Variants in PPP1R26 observed in about 807,000 individuals in gnomAD.
PPP1R26 encodes 1A6/DRIM (down-regulated in metastasis) interacting protein.
A neutral mutation model predicts 67.6 loss-of-function variants in PPP1R26; 22 were observed. The ratio of observed to expected loss-of-function variants is 0.33; its 90% CI spans 0.23 to 0.46. The LOEUF (loss-of-function observed/expected upper bound fraction) is 0.46, where lower values mean the gene tolerates loss of function less well. PPP1R26 is among the 20% of genes least tolerant of loss of function. The probability of loss-of-function intolerance (pLI) is 1.00; values close to 1 mark genes in which losing one functional copy is unlikely to be tolerated. For missense variants in PPP1R26, 1,602 were observed against 1,651.4 expected (o/e 0.97, Z 0.52); for synonymous variants, 729 against 717.2 (o/e 1.02, Z -0.26).
Position 135,482,956 on chromosome 9 carries a change from A to G in PPP1R26, c.-196+141A>G. 7.9e-6 allele frequency: 3 copies of G among 380,690 alleles called. No homozygotes were observed. In the East Asian group the frequency reaches 1.2e-4, roughly 15 times the overall value. 23.6% of individuals were successfully genotyped at this position (380,690 alleles called of 1,614,324 possible). A position where few individuals can be genotyped will look rare whatever the true frequency, so the allele number is the denominator to read the frequency against. The stretch of plus-strand genomic sequence containing the variant: ...TGGGCTCACCTGTGTGTAGGTGGCC[A>G]GGCTCACCTTTTGTTTCTTTTTCTT... On this transcript the variant is annotated intron_variant, in intron 2 of 3. Transcript: ENST00000356818.
At chr9:135,482,445 C>T (rs1400742732) in intron 1 of PPP1R26, among the ~76,000 whole-genome samples, 2 of 152,234 alleles carry the variant, frequency 1.3e-5, no homozygotes, top group African/African-American at 4.8e-5. Context: ...CCCATCACTT[C>T]AGCCAGCATC....
Position 135,487,619 on chromosome 9 carries a change from C to A in PPP1R26, c.3109C>A (p.Pro1037Thr). The A allele has an allele frequency of 6.7e-7, 1 of 1,484,966 alleles. No individual in the cohort carries two copies. Among genetic ancestry groups the A allele is most frequent in the Non-Finnish European group, 9.0e-7 (1 of 1,116,580 alleles). 92.0% of individuals were successfully genotyped at this position (1,484,966 alleles called of 1,614,324 possible). The change falls in exon 4 of 4, where the codon CCC becomes ACC. Residue 1037 changes from proline to threonine, a missense_variant. Transcript: ENST00000356818. ...CGACTTCGCCCACCAGAGTCGGCTG[C>A]CCAGCCCGTGGGTGCTGCGCTCCGA... ...WSDFAHQSRL[P>T]SPWVLRSEGR...
chr9:135,482,551 C>A (rs1191072816), intron 1 of PPP1R26, 132 bp from the exon 2 acceptor site: 4 of 395,124 alleles, frequency 1.0e-5, no homozygotes, highest in Non-Finnish European at 1.8e-5. Context: ...GGTTAAATGT[C>A]TTAGAGTAAG....
Position 135,487,274 on chromosome 9 carries a change from C to T in PPP1R26, c.2764C>T (p.Gln922Ter). 6.4e-7 allele frequency: 1 copy of T among 1,559,534 alleles called. No homozygotes were observed. Among genetic ancestry groups the T allele is most frequent in the East Asian group, 2.3e-5 (1 of 44,428 alleles). Reference protein sequence around the residue: ...GAQGTAGLFSQGGKGLPAAPA... With the variant: ...GAQGTAGLFS Reference sequence around the variant, plus strand: ...ACAGGGCACAGCTGGTCTGTTCAGCCAGGGCGGGAAGGGGCTCCCTGCTGC... The same window carrying T: ...ACAGGGCACAGCTGGTCTGTTCAGCTAGGGCGGGAAGGGGCTCCCTGCTGC... The change falls in exon 4 of 4, where the codon CAG becomes TAG. Residue 922 changes from glutamine (Q) to a stop codon, truncating the protein, a stop_gained. Transcript: ENST00000356818. LOFTEE classifies it high-confidence loss of function.
Position 135,487,756 on chromosome 9 carries a change from G to T in PPP1R26, c.3246G>T (p.Leu1082=). 2.0e-6 allele frequency: 3 copies of T among 1,485,414 alleles called. No individual in the cohort carries two copies. The allele number at this position is 1,485,414 out of a possible 1,614,324, so 92.0% of individuals were successfully genotyped here. The change falls in exon 4 of 4, where the codon CTG becomes CTT. Residue 1082 remains leucine, a synonymous_variant. Transcript: ENST00000356818. ...SLPLAGFSPL[L]STQLFHFGKG... ...CCCTTGCGGGCTTCTCGCCGCTGCT[G>T]TCCACCCAGCTCTTCCACTTTGGAA...
chr9:135,481,723 A>G (rs1225774554), intron 1 of PPP1R26, among the ~76,000 whole-genome samples: 1 of 151,724 alleles, frequency 6.6e-6, no homozygotes, highest in Non-Finnish European at 1.5e-5. Context: ...GGTTCAAGCA[A>G]TTCTCCTGTC....
rs1474945563 is a variant in PPP1R26, at chr9:135,487,888, C to T, written c.3378C>T (p.Pro1126=). ...FSAFREAQAG[P]SPVFGSPHLL... is the part of the protein sequence containing the mutation. ...CCTTCAGGGAGGCCCAGGCCGGACC[C>T]AGCCCTGTCTTTGGAAGCCCACACT... is the stretch of plus-strand genomic sequence containing the variant. The change falls in exon 4 of 4, where the codon CCC becomes CCT. Residue 1126 remains proline (P), a synonymous_variant. Coordinates refer to ENST00000356818, the MANE Select transcript of PPP1R26 (RefSeq NM_014811.5). 2.5e-6 allele frequency: 4 copies of T among 1,577,654 alleles called. No homozygotes were observed. The highest frequency in any genetic ancestry group is 3.4e-6 in the Non-Finnish European group (4 of 1,163,772).
Position 135,487,610 on chromosome 9 carries a change from A to G in PPP1R26, c.3100A>G (p.Ser1034Gly). 1 of 1,488,738 alleles carries G rather than the reference A, an allele frequency of 6.7e-7. No individual in the cohort carries two copies. The allele number at this position is 1,488,738 out of a possible 1,614,324, so 92.2% of individuals were successfully genotyped here. ...TPPWSDFAHQ[S>G]RLPSPWVLRS... ...GCCCTGGAGCGACTTCGCCCACCAG[A>G]GTCGGCTGCCCAGCCCGTGGGTGCT... Residue 1034 changes from serine (S) to glycine (G), a missense_variant, in exon 4 of 4, where the codon AGT becomes GGT. Physicochemically the swap from Ser to Gly is moderately conservative, Grantham distance 56. Around this residue, in one of 5 missense-constraint regions of PPP1R26, gnomAD observed 740 missense variants for 696.3 expected, o/e 1.06. Transcript: ENST00000356818.
chr9:135,486,101 G>A lies in PPP1R26; in HGVS notation c.1591G>A (p.Asp531Asn), dbSNP rs1219154656. The A allele has an allele frequency of 1.2e-5, 19 of 1,612,876 alleles. No homozygotes were observed. The Middle Eastern group carries it at 2.0e-3, about 173-fold the overall frequency. ...CGGCGACAGTAGCTCCGTGGACAGC[G>A]ATGACAGCATCGAGCAGGAAATCCG... The part of the protein sequence containing the change: ...SDGDSSSVDS[D>N]DSIEQEIRTF... Residue 531 changes from aspartate (D) to asparagine (N), a missense_variant, in exon 4 of 4, where the codon GAT (aspartate) becomes AAT (asparagine). Coordinates refer to ENST00000356818, the MANE Select transcript of PPP1R26 (RefSeq NM_014811.5). This position sits in a 1 kb window ranked among gnomAD's most constrained non-coding sequence, Gnocchi z 6.2.
chr9:135,486,756 T>C lies in PPP1R26; in HGVS notation c.2246T>C (p.Val749Ala). ...GACTGGAAAGACAGGGGCCCGCCAG[T>C]GCTGAAGAGCTGCCTCTCCAAGTCC... ...RRDWKDRGPP[V>A]LKSCLSKSKR... Residue 749 changes from valine (V) to alanine (A), a missense_variant, in exon 4 of 4, where the codon GTG (valine) becomes GCG (alanine). By Grantham distance (64) the Val-to-Ala change is moderately conservative (BLOSUM62 0). Coordinates refer to ENST00000356818, the MANE Select transcript of PPP1R26 (RefSeq NM_014811.5). This position sits in a 1 kb window ranked among gnomAD's most constrained non-coding sequence, Gnocchi z 6.2. The C allele has an allele frequency of 6.3e-7, 1 of 1,577,944 alleles. No individual in the cohort carries two copies. The highest frequency in any genetic ancestry group is 1.9e-5 in the Admixed American group (1 of 53,144).
chr9:135,479,363 C>G (rs1340287896), upstream of PPP1R26, among the ~76,000 whole-genome samples: 1 of 151,788 alleles, frequency 6.6e-6, no homozygotes, highest in South Asian at 2.1e-4. This position sits in a 1 kb window ranked among gnomAD's most constrained non-coding sequence, Gnocchi z 5.9. Context: ...GGGCCCCGCA[C>G]GCTCCCTTCC....
rs1456172679 is a variant in PPP1R26 at position 135,486,270 on chromosome 9, A to G, written c.1760A>G (p.Asp587Gly). ...GHKTPLSKTP[D>G]PLLGCKRKRR... ...AAGACCCCTCTCTCTAAAACACCAG[A>G]CCCACTGCTGGGCTGCAAAAGGAAG... The change falls in exon 4 of 4, where the codon GAC becomes GGC. Residue 587 changes from aspartate (D) to glycine (G), a missense_variant. Around this residue, in one of 5 missense-constraint regions of PPP1R26, gnomAD observed 680 missense variants for 726.1 expected, o/e 0.94. Transcript: ENST00000356818. The surrounding 1 kb of genome is among the most constrained non-coding windows in gnomAD (Gnocchi z 6.2). 1.2e-6 allele frequency: 2 copies of G among 1,612,884 alleles called. No homozygotes were observed. Among genetic ancestry groups the G allele is most frequent in the South Asian group, 2.2e-5 (2 of 91,086 alleles).
At chr9:135,481,688 G>A (rs984580931) in intron 1 of PPP1R26, among the ~76,000 whole-genome samples, 6 of 151,706 alleles carry the variant, frequency 4.0e-5, no homozygotes, top group Admixed American at 1.3e-4. Flanking sequence ...GCGCGATCTC[G>A]GCTCACTGCA....
rs771015690 is a variant in PPP1R26 at position 135,486,194 on chromosome 9, G to C, written c.1684G>C (p.Ala562Pro). 36 of 1,612,874 alleles carry C rather than the reference G, an allele frequency of 2.2e-5. No individual in the cohort carries two copies. Among genetic ancestry groups the C allele is most frequent in the Non-Finnish European group, 3.0e-5 (35 of 1,180,040 alleles). ...LARGESCPQAAQGPLLPPGLN... is the reference protein window; with the variant it reads ...LARGESCPQAPQGPLLPPGLN... ...CAGAGGTGAGAGCTGCCCGCAGGCT[G>C]CCCAGGGTCCACTTTTGCCGCCTGG... The change falls in exon 4 of 4, where the codon GCC (alanine) becomes CCC (proline). Residue 562 changes from alanine to proline, a missense_variant. Around this residue, in one of 5 missense-constraint regions of PPP1R26, gnomAD observed 680 missense variants for 726.1 expected, o/e 0.94. Transcript: ENST00000356818. The surrounding 1 kb of genome is among the most constrained non-coding windows in gnomAD (Gnocchi z 6.2).
At position 135,487,533 on chromosome 9, in the gene PPP1R26, C is replaced by T; in HGVS notation, c.3023C>T (p.Thr1008Ile). The change falls in exon 4 of 4, where the codon ACC becomes ATC. Residue 1008 changes from threonine to isoleucine, a missense_variant. Physicochemically the swap from Thr to Ile is moderately conservative, Grantham distance 89 (BLOSUM62 -1). Around this residue, in one of 5 missense-constraint regions of PPP1R26, gnomAD observed 740 missense variants for 696.3 expected, o/e 1.06. Transcript: ENST00000356818. ...HMGCGSPSFL[T>I]PSPGAERDAG... ...GGCTGCGGGAGCCCGAGCTTCCTGA[C>T]CCCCAGCCCGGGAGCGGAGAGGGAC... 3 of 1,593,458 alleles carry T rather than the reference C, an allele frequency of 1.9e-6. No homozygotes were observed. The highest frequency in any genetic ancestry group is 2.6e-6 in the Non-Finnish European group (3 of 1,171,192).
rs370270608 is a variant in PPP1R26, at chr9:135,485,433, A to G, written c.923A>G (p.Lys308Arg). 3.4e-5 allele frequency: 55 copies of G among 1,612,820 alleles called. No homozygotes were observed. Among genetic ancestry groups the G allele is most frequent in the Non-Finnish European group, 4.3e-5 (51 of 1,179,934 alleles). Residue 308 changes from lysine to arginine, a missense_variant, in exon 4 of 4, where the codon AAG (lysine) becomes AGG (arginine). Physicochemically the swap from Lys to Arg is conservative, Grantham distance 26 (BLOSUM62 2). Around this residue, in one of 5 missense-constraint regions of PPP1R26, gnomAD observed 680 missense variants for 726.1 expected, o/e 0.94. Transcript: ENST00000356818. The surrounding 1 kb of genome is among the most constrained non-coding windows in gnomAD (Gnocchi z 7.2). ...GTCCAGCCCAGAAGCCTCAGGTCCA[A>G]GGTCACAACCACGCAGGAGAACGAG... is the stretch of plus-strand genomic sequence containing the variant. ...MNVQPRSLRS[K>R]VTTTQENEGS...
rs1206562615 is a variant in PPP1R26, at chr9:135,480,008, G to C, written c.-343G>C. The C allele has an allele frequency of 6.8e-6, 1 of 146,074 alleles. No individual in the cohort carries two copies. Among genetic ancestry groups the C allele is most frequent in the Non-Finnish European group, 1.5e-5 (1 of 65,608 alleles). 9.0% of individuals were successfully genotyped at this position (146,074 alleles called of 1,614,324 possible). On this transcript the variant is annotated 5_prime_UTR_variant, in exon 1 of 4. Transcript: ENST00000356818. The stretch of plus-strand genomic sequence containing the variant: ...AGGCGGGGTCCGCGCGGCGGGCGGC[G>C]GGGGACGGGCGGAGGTGAGCGGGTG...
At position 135,484,409 on chromosome 9, in the gene PPP1R26, T is replaced by C. The variant is rs1234754689; in HGVS notation, c.-62-40T>C. ...GCTTGGTGTTGGCAGCTATCGCTGT[T>C]TGTAGCTGCATCATGCCCATGTGCT... is the stretch of plus-strand genomic sequence containing the variant. On this transcript the variant is annotated intron_variant, in intron 3 of 3. Coordinates refer to ENST00000356818, the MANE Select transcript of PPP1R26 (RefSeq NM_014811.5). The C allele has an allele frequency of 3.5e-5, 40 of 1,129,188 alleles. No individual in the cohort carries two copies. In the Middle Eastern group the frequency reaches 1.5e-3, roughly 44 times the overall value. 69.9% of individuals were successfully genotyped at this position (1,129,188 alleles called of 1,614,324 possible). A position where few individuals can be genotyped will look rare whatever the true frequency, so the allele number is the denominator to read the frequency against.
intron 1 of PPP1R26, among the ~76,000 whole-genome samples, chr9:135,481,542 A>G (rs72764694): frequency 2.7e-5 from 4 of 150,112 alleles, no homozygotes; most frequent in Non-Finnish European, 4.4e-5. Context: ...TCCCCGACCC[A>G]GGGGGCTTTT....
Sources: gnomAD v4.1 joint callset for allele counts (sites outside exome capture counted in the v4.1 genomes callset) on GRCh38, gnomAD v4.1.1 for gene constraint, gnomAD v4.1.1 regional missense constraint, Gnocchi (gnomAD v3.1) non-coding constraint, MANE v1.5 for transcripts, NCBI Gene and HGNC (gene_info 2026-07-23, HGNC 2026-07-21) for gene names.